SSH2: variants seen among roughly 807,000 people sequenced by gnomAD.
SSH2 encodes slingshot protein phosphatase 2.
Under a neutral mutation model 135.2 loss-of-function variants are expected in SSH2, and 37 were observed. That is an observed-to-expected ratio of 0.27 (90% CI 0.21 to 0.36). SSH2 has a LOEUF of 0.36. Ranked by LOEUF, SSH2 falls within the 10% of genes least tolerant of loss-of-function variation. The pLI, the probability that SSH2 is intolerant of heterozygous loss-of-function variation, is 1.00. For missense variants in SSH2, 1,408 were observed against 1,765.3 expected (o/e 0.80, Z 3.63); for synonymous variants, 628 against 646.2 (o/e 0.97, Z 0.43).
intron 1 of SSH2, among the ~76,000 whole-genome samples, chr17:29,856,959 G>C (rs2065673274): frequency 6.6e-6 from 1 of 152,052 alleles, no homozygotes; most frequent in Admixed American, 6.6e-5. Flanking sequence ...CTCCTACCGG[G>C]TCCCTCCCAC....
intron 1 of SSH2, among the ~76,000 whole-genome samples, chr17:29,902,991 G>GGA (rs2066587204): frequency 6.6e-6 from 1 of 152,136 alleles, no homozygotes; most frequent in East Asian, 1.9e-4. Flanking sequence ...TTCAAGACCA[G>GGA]CTTGGCCAAC....
chr17:29,716,680 G>A (rs1441057351), intron 3 of SSH2: 5 of 631,754 alleles, frequency 7.9e-6, no homozygotes, highest in Non-Finnish European at 1.5e-5. Flanking sequence ...TTCCCTTTGT[G>A]TTTGTTTTTG....
chr17:29,882,443 A>G (rs2066155307), intron 1 of SSH2, among the ~76,000 whole-genome samples: 2 of 152,192 alleles, frequency 1.3e-5, no homozygotes, highest in Admixed American at 6.5e-5. Context: ...GAGCTTTACA[A>G]TACATGCTTT....
At chr17:29,888,035 G>A (rs1251680516) in intron 1 of SSH2, among the ~76,000 whole-genome samples, 1 of 152,122 alleles carries the variant, frequency 6.6e-6, no homozygotes, top group Non-Finnish European at 1.5e-5. Context: ...CCAGGAGTTT[G>A]AGACCAGCCT....
At position 29,635,535 on chromosome 17, in the gene SSH2, G is replaced by C. The variant is rs368137270; in HGVS notation, c.2262+433C>G. ...TTCTCCTGCCTCAGCCTCCCGAGTA[G>C]CTGGGACTACAGGCGCCGCCCGCCA... On this transcript the variant is annotated intron_variant, in intron 15 of 15. Transcript: ENST00000540801. 4.9e-3 allele frequency among the ~76,000 whole-genome samples: 620 copies of C among 125,368 alleles called. 3 individuals carry two copies. Among genetic ancestry groups the C allele is most frequent in the African/African-American group, 0.023 (589 of 26,078 alleles). 82.2% of individuals were successfully genotyped at this position (125,368 alleles called of 152,430 possible).
chr17:29,772,821 C>T (rs1181755937), intron 3 of SSH2, among the ~76,000 whole-genome samples: 1 of 152,074 alleles, frequency 6.6e-6, no homozygotes, highest in African/African-American at 2.4e-5. Context: ...CTTGGGACTC[C>T]AGGATTTACT....
intron 14 of SSH2, among the ~76,000 whole-genome samples, chr17:29,637,049 G>T (rs574494023): frequency 6.6e-6 from 1 of 152,338 alleles, no homozygotes; most frequent in East Asian, 1.9e-4. Flanking sequence ...AACAGCCAGT[G>T]TTGATGATGG....
intron 3 of SSH2, among the ~76,000 whole-genome samples, chr17:29,744,292 G>A (rs1408837868): frequency 6.6e-6 from 1 of 152,158 alleles, no homozygotes; most frequent in Non-Finnish European, 1.5e-5. Flanking sequence ...GAGCGGCTGA[G>A]TCCTGCCGAT....
At chr17:29,818,959 G>A (rs1211066754) in intron 2 of SSH2, among the ~76,000 whole-genome samples, 1 of 152,042 alleles carries the variant, frequency 6.6e-6, no homozygotes, top group Non-Finnish European at 1.5e-5. Flanking sequence ...AGGTGCAGTG[G>A]CTCACACCTG....
intron 3 of SSH2, among the ~76,000 whole-genome samples, chr17:29,719,573 G>T (rs2039750604): frequency 6.6e-6 from 1 of 151,108 alleles, no homozygotes; most frequent in Non-Finnish European, 1.5e-5. Context: ...ATCATTTATT[G>T]AGTACCCACC....
chr17:29,722,379 A>C (rs974731515), intron 3 of SSH2, among the ~76,000 whole-genome samples: 1 of 152,198 alleles, frequency 6.6e-6, no homozygotes, highest in Admixed American at 6.5e-5. Flanking sequence ...GTTGGATCTC[A>C]GCCATACTCT....
intron 3 of SSH2, among the ~76,000 whole-genome samples, chr17:29,713,682 C>T (rs1348363353): frequency 6.6e-6 from 1 of 152,236 alleles, no homozygotes; most frequent in South Asian, 2.1e-4. Context: ...AGGTAGCCAC[C>T]ATTCTTGGAC....
chr17:29,702,205 T>C (rs1297912599), intron 4 of SSH2, among the ~76,000 whole-genome samples: 1 of 151,882 alleles, frequency 6.6e-6, no homozygotes, highest in Non-Finnish European at 1.5e-5. Flanking sequence ...ACACAAAAAT[T>C]AGCTGCATGT....
At chr17:29,789,080 A>G (rs2042019916) in intron 3 of SSH2, among the ~76,000 whole-genome samples, 1 of 152,202 alleles carries the variant, frequency 6.6e-6, no homozygotes, top group African/African-American at 2.4e-5. Context: ...GTGTTCTAGT[A>G]TTTTGTGGAA....
intron 2 of SSH2, among the ~76,000 whole-genome samples, chr17:29,843,790 C>T (rs1050254905): frequency 6.6e-6 from 1 of 152,052 alleles, no homozygotes; most frequent in African/African-American, 2.4e-5. Context: ...ATGTTGATAA[C>T]TTTTAAAAAT....
chr17:29,784,220 C>CT (rs1338249204), intron 3 of SSH2, among the ~76,000 whole-genome samples: 1 of 151,456 alleles, frequency 6.6e-6, no homozygotes, highest in Non-Finnish European at 1.5e-5. Flanking sequence ...AACCCCATCT[C>CT]TACTAAAAAT....
chr17:29,821,280 A>AG (rs1478985556), intron 2 of SSH2, among the ~76,000 whole-genome samples: 6 of 151,956 alleles, frequency 3.9e-5, no homozygotes, highest in African/African-American at 1.5e-4. Context: ...TTTGTTTATG[A>AG]GGGGGGTCTC....
At chr17:29,923,160 T>C (rs573856249) in intron 1 of SSH2, among the ~76,000 whole-genome samples, 9 of 152,296 alleles carry the variant, frequency 5.9e-5, no homozygotes, top group South Asian at 2.1e-4. Context: ...TCCGCCCACC[T>C]TGGCCTCCCA....
chr17:29,708,057 TAAAAC>T (rs1307755665), intron 3 of SSH2, among the ~76,000 whole-genome samples: 1 of 152,088 alleles, frequency 6.6e-6, no homozygotes, highest in Non-Finnish European at 1.5e-5. Flanking sequence ...ATGGAAGTGA[TAAAAC>T]AAAATTTATA....
Sources: allele counts gnomAD v4.1 joint callset (sites outside exome capture counted in the v4.1 genomes callset), GRCh38; gene constraint gnomAD v4.1.1; transcripts MANE v1.5; gene names NCBI Gene and HGNC (gene_info 2026-07-23, HGNC 2026-07-21).